AP2A2: variants seen among roughly 807,000 people sequenced by gnomAD.
The protein encoded by AP2A2 is adaptor related protein complex 2 subunit alpha 2.
In AP2A2, 32 loss-of-function variants were observed where a neutral mutation model predicts 104.2. That is an observed-to-expected ratio of 0.31 (90% CI 0.23 to 0.41). The LOEUF is 0.41. Among genes scored for constraint, AP2A2 ranks in the 10% least tolerant of loss-of-function variants. AP2A2 has a pLI of 1.00. For missense variants in AP2A2, 912 were observed against 1,261.0 expected (o/e 0.72, Z 4.19); for synonymous variants, 539 against 533.3 (o/e 1.01, Z -0.15).
chr11:993,710 C>T lies in AP2A2; in HGVS notation c.1551-44C>T, dbSNP rs759718379. 4.4e-5 allele frequency: 65 copies of T among 1,471,042 alleles called. No homozygotes were observed. The highest frequency in any genetic ancestry group is 1.7e-4 in the Middle Eastern group (1 of 5,836). 91.1% of individuals were successfully genotyped at this position (1,471,042 alleles called of 1,614,324 possible). On this transcript the variant is annotated intron_variant, in intron 12 of 21. Transcript: ENST00000448903. The surrounding 1 kb of genome is among the most constrained non-coding windows in gnomAD (Gnocchi z 8.2). ...CCCCGCGGGGGCGTGCTGCAGCCTG[C>T]GAGGGGACGACGGTGTCCCTGTGTT...
At chr11:995,772 C>T (rs528976602) in intron 14 of AP2A2, among the ~76,000 whole-genome samples, 3 of 134,432 alleles carry the variant, frequency 2.2e-5, no homozygotes, top group East Asian at 2.2e-4. Context: ...CACCTAGTGT[C>T]CTCTGTGCAG....
At chr11:954,612 TG>T (rs1854173114) in intron 1 of AP2A2, among the ~76,000 whole-genome samples, 1 of 152,162 alleles carries the variant, frequency 6.6e-6, no homozygotes, top group African/African-American at 2.4e-5. Flanking sequence ...TGTATTTGTG[TG>T]TATTTGGTTT....
At chr11:979,346 C>T (rs1855162495) in intron 5 of AP2A2, among the ~76,000 whole-genome samples, 1 of 151,720 alleles carries the variant, frequency 6.6e-6, no homozygotes, top group Non-Finnish European at 1.5e-5. Context: ...CTTTATTGGA[C>T]ATGGCAAAAT....
In AP2A2 at chr11:1,003,780, A is replaced by C; in HGVS notation, c.2182A>C (p.Lys728Gln). Residue 728 changes from lysine (K) to glutamine (Q), a missense_variant, in exon 16 of 22, where the codon AAG becomes CAG. Transcript: ENST00000448903. ...AAACCAGCTGCTTCAAATTGGACTTAAGTCTGAATTTCGGCAGAATTTAGG... is the reference window on the plus strand; with the variant it reads ...AAACCAGCTGCTTCAAATTGGACTTCAGTCTGAATTTCGGCAGAATTTAGG... The part of the protein sequence containing the change: ...FENQLLQIGL[K>Q]SEFRQNLGRM... 1 of 1,606,438 alleles carries C rather than the reference A, an allele frequency of 6.2e-7. No homozygotes were observed. The highest frequency in any genetic ancestry group is 8.5e-7 in the Non-Finnish European group (1 of 1,176,786).
chr11:951,597 G>T (rs1457351434), intron 1 of AP2A2, among the ~76,000 whole-genome samples: 4 of 151,994 alleles, frequency 2.6e-5, no homozygotes, highest in Non-Finnish European at 5.9e-5. Context: ...CTGGACCAGT[G>T]CTTTGCTCCT....
At chr11:941,596 T>C (rs1295985817) in intron 1 of AP2A2, among the ~76,000 whole-genome samples, 1 of 151,286 alleles carries the variant, frequency 6.6e-6, no homozygotes, top group Non-Finnish European at 1.5e-5. Flanking sequence ...TCTTATTCTT[T>C]TTTTTTTTTG....
chr11:983,681 C>A (rs1479674841), intron 6 of AP2A2, among the ~76,000 whole-genome samples: 1 of 152,202 alleles, frequency 6.6e-6, no homozygotes, highest in African/African-American at 2.4e-5. Flanking sequence ...CCGCACCTGG[C>A]CTAGTCTCTT....
intron 2 of AP2A2, among the ~76,000 whole-genome samples, chr11:962,375 G>A (rs1257875697): frequency 6.6e-6 from 1 of 152,256 alleles, no homozygotes; most frequent in Non-Finnish European, 1.5e-5. Context: ...GGTTTTTATA[G>A]GTTTCAGAAG....
At chr11:998,558 A>G (rs536172810) in intron 14 of AP2A2, among the ~76,000 whole-genome samples, 4 of 152,232 alleles carry the variant, frequency 2.6e-5, no homozygotes, top group African/African-American at 9.6e-5. Context: ...CCAGTGGAAC[A>G]TTCTAAAGTT....
chr11:973,433 G>C (rs898744209), intron 4 of AP2A2, among the ~76,000 whole-genome samples: 1 of 152,176 alleles, frequency 6.6e-6, no homozygotes, highest in Non-Finnish European at 1.5e-5. Flanking sequence ...GCAAGGAGGA[G>C]CCCGGCTGGC....
intron 1 of AP2A2, among the ~76,000 whole-genome samples, chr11:934,195 C>T (rs949746831): frequency 7.2e-5 from 11 of 152,180 alleles, no homozygotes; most frequent in African/African-American, 2.7e-4. Flanking sequence ...GGCAGACCTC[C>T]TGCTGGGTGC....
At chr11:987,055 A>G (rs974573591) in intron 9 of AP2A2, 102 bp downstream of exon 9, 3 of 1,353,066 alleles carry the variant, frequency 2.2e-6, no homozygotes, top group Non-Finnish European at 2.0e-6. Flanking sequence ...CCCCGCAGAG[A>G]TGGAGGTGGT....
At chr11:981,343 C>T in intron 6 of AP2A2, 44 bp downstream of exon 6, 3 of 1,452,266 alleles carry the variant, frequency 2.1e-6, no homozygotes, top group Non-Finnish European at 2.9e-6. Flanking sequence ...TGGGTTTTGT[C>T]TTAGTTATTT....
chr11:928,778 C>T (rs1468268144), intron 1 of AP2A2, among the ~76,000 whole-genome samples: 4 of 152,182 alleles, frequency 2.6e-5, no homozygotes, highest in Admixed American at 2.6e-4. Flanking sequence ...CTCTTTAATA[C>T]GGCCCCTTTC....
At chr11:929,678 C>G (rs1331911563) in intron 1 of AP2A2, among the ~76,000 whole-genome samples, 1 of 152,068 alleles carries the variant, frequency 6.6e-6, no homozygotes, top group Non-Finnish European at 1.5e-5. Context: ...CACCTGTGGT[C>G]CCAGTTACTC....
rs1856443763 is a variant in AP2A2 at position 1,011,828 on chromosome 11, A to ACGGACCC, written c.*1203_*1204insCGGACCC. The ACGGACCC allele has an allele frequency of 3.4e-6, 1 of 294,516 alleles. No individual in the cohort carries two copies. Among genetic ancestry groups the ACGGACCC allele is most frequent in the South Asian group, 3.0e-5 (1 of 33,678 alleles). The allele number at this position is 294,516 out of a possible 1,614,324, so 18.2% of individuals were successfully genotyped here. On this transcript the variant is annotated 3_prime_UTR_variant, in exon 22 of 22. Transcript: ENST00000448903. ...GTCCCTGGGGCAGCTGCAGGGGCTCATGGACCCATCAGGGTCTCCACAGCT... is the reference window on the plus strand; with the variant it reads ...GTCCCTGGGGCAGCTGCAGGGGCTCACGGACCCTGGACCCATCAGGGTCTCCACAGCT...
chr11:971,916 C>T (rs978247742), intron 3 of AP2A2, 146 bp from the exon 4 acceptor site: 6 of 732,560 alleles, frequency 8.2e-6, no homozygotes, highest in Admixed American at 5.9e-5. Flanking sequence ...TCCTGAGAGG[C>T]GCCGCTCCCA....
chr11:952,794 C>T (rs1377701145), intron 1 of AP2A2, among the ~76,000 whole-genome samples: 3 of 152,154 alleles, frequency 2.0e-5, no homozygotes, highest in African/African-American at 4.8e-5. Context: ...TTCAGCTCCT[C>T]CCCGCTTCTC....
At chr11:1,008,508 T>TG (rs1282841672) in intron 18 of AP2A2, 5 of 212,988 alleles carry the variant, frequency 2.3e-5, no homozygotes, top group Admixed American at 5.4e-5. Flanking sequence ...CCCCCTGGCC[T>TG]GGGGGGCGCG....
Sources: gnomAD v4.1 joint callset for allele counts (sites outside exome capture counted in the v4.1 genomes callset) on GRCh38, gnomAD v4.1.1 for gene constraint, Gnocchi (gnomAD v3.1) non-coding constraint, MANE v1.5 for transcripts, NCBI Gene and HGNC (gene_info 2026-07-23, HGNC 2026-07-21) for gene names.